Variants in RAB33A observed in about 807,000 individuals in gnomAD.
The protein encoded by RAB33A is RAB33A, member RAS oncogene family.
In RAB33A, 6 loss-of-function variants were observed where a neutral mutation model predicts 12.0. The observed-to-expected ratio is 0.50, with a 90% CI of 0.27 to 0.99. RAB33A has a LOEUF of 0.99. Among genes scored for constraint, RAB33A ranks in the 50% least tolerant of loss-of-function variants. RAB33A has a pLI of 0.11. For synonymous variants in RAB33A, 70 were observed against 82.4 expected, an observed-to-expected ratio of 0.85 and a Z score of 0.81; for missense variants, 109 against 192.0, an observed-to-expected ratio of 0.57 and a Z score of 2.55.
At chrX:130,113,266 A>G in the RAB33A span, among the ~76,000 whole-genome samples, 2 of 106,501 alleles carry the variant, frequency 1.9e-5, no homozygotes, top group Non-Finnish European at 3.9e-5. Context: ...ATTTTTTAGT[A>G]GAGGCAGGGG....
At chrX:130,146,282 T>A in the RAB33A span, among the ~76,000 whole-genome samples, 12 of 109,407 alleles carry the variant, frequency 1.1e-4, no homozygotes, top group African/African-American at 2.7e-4. Context: ...TAGAAAAAAA[T>A]TTTTTTAATT....
At chrX:130,125,714 G>T in the RAB33A span, among the ~76,000 whole-genome samples, 1 of 111,578 alleles carries the variant, frequency 9.0e-6, no homozygotes, top group Middle Eastern at 4.6e-3. Flanking sequence ...TTCCTTCAAG[G>T]AAGCAGCCTG....
chrX:130,165,933 C>T, the RAB33A span: 1 of 389,904 alleles, frequency 2.6e-6, no homozygotes, highest in African/African-American at 2.5e-5. Context: ...CACTAGCTGG[C>T]CGCAAGCTCG....
At chrX:130,181,605 A>G (rs987142221) in intron 1 of RAB33A, among the ~76,000 whole-genome samples, 14 of 112,378 alleles carry the variant, frequency 1.2e-4, no homozygotes, top group Non-Finnish European at 2.6e-4. Flanking sequence ...AAGCTGAGAT[A>G]CAGAAGAAAA....
At chrX:130,176,618 G>A (rs951069598) in intron 1 of RAB33A, among the ~76,000 whole-genome samples, 9 of 112,193 alleles carry the variant, frequency 8.0e-5, no homozygotes, top group African/African-American at 2.9e-4. Flanking sequence ...TCTTCCTTAG[G>A]GCTTCTGAGC....
chrX:130,128,045 T>G, the RAB33A span, among the ~76,000 whole-genome samples: 1 of 111,653 alleles, frequency 9.0e-6, no homozygotes, highest in Non-Finnish European at 1.9e-5. Flanking sequence ...TGATCACATT[T>G]GAGTAAACCT....
the RAB33A span, among the ~76,000 whole-genome samples, chrX:130,134,145 G>A: frequency 2.7e-5 from 3 of 109,792 alleles, no homozygotes; most frequent in African/African-American, 1.0e-4. Context: ...GCTGAGACAG[G>A]AGAATGGCTT....
the RAB33A span, among the ~76,000 whole-genome samples, chrX:130,128,769 A>G: frequency 1.8e-5 from 2 of 111,596 alleles, no homozygotes; most frequent in Admixed American, 1.9e-4. Flanking sequence ...AGAAGAGTCA[A>G]GAGATGATGG....
At chrX:130,145,391 A>G in the RAB33A span, 4 of 703,584 alleles carry the variant, frequency 5.7e-6, no homozygotes, top group South Asian at 8.6e-5. Flanking sequence ...GGCAGGACAG[A>G]CATAAATGGT....
At chrX:130,161,706 C>A in the RAB33A span, among the ~76,000 whole-genome samples, 1 of 104,813 alleles carries the variant, frequency 9.5e-6, no homozygotes, top group African/African-American at 3.5e-5. Flanking sequence ...TTCCCGGGTT[C>A]AAGCAATTCT....
the RAB33A span, among the ~76,000 whole-genome samples, chrX:130,117,573 GA>G: frequency 7.0e-4 from 75 of 107,243 alleles, no homozygotes; most frequent in East Asian, 2.0e-3. Flanking sequence ...CATTTGAAAA[GA>G]AAAAAAAAAA....
intron 1 of RAB33A, among the ~76,000 whole-genome samples, chrX:130,172,639 G>A (rs1464600872): frequency 8.9e-6 from 1 of 112,017 alleles, no homozygotes; most frequent in Non-Finnish European, 1.9e-5. Flanking sequence ...TGTGGGCAGA[G>A]GGAGGCAGGA....
the RAB33A span, chrX:130,149,431 G>A: frequency 9.1e-7 from 1 of 1,096,996 alleles, no homozygotes; most frequent in South Asian, 1.8e-5. Context: ...TTCCCTTTGT[G>A]AGTCTCAAAT....
At chrX:130,136,938 T>G in the RAB33A span, 34 of 1,145,908 alleles carry the variant, frequency 3.0e-5, no homozygotes, top group Non-Finnish European at 3.7e-5. Context: ...TAGATGAACT[T>G]AGCTGACTGG....
At chrX:130,168,109 C>G (rs182584616), upstream of RAB33A, among the ~76,000 whole-genome samples, 155 of 107,428 alleles carry the variant, frequency 1.4e-3, 1 homozygote, top group Admixed American at 3.9e-3. Flanking sequence ...CCTAGGAGAT[C>G]GAGACTGCAG....
chrX:130,120,377 T>G, the RAB33A span, among the ~76,000 whole-genome samples: 1 of 111,714 alleles, frequency 9.0e-6, no homozygotes. Context: ...CGCCCCAGCC[T>G]TGGCCACAGT....
the RAB33A span, among the ~76,000 whole-genome samples, chrX:130,141,938 C>T: frequency 9.6e-4 from 107 of 111,855 alleles, no homozygotes; most frequent in African/African-American, 3.3e-3. Context: ...GGTAGAACAC[C>T]CAAACTGTTC....
chrX:130,160,572 C>A, the RAB33A span, among the ~76,000 whole-genome samples: 3 of 111,957 alleles, frequency 2.7e-5, no homozygotes, highest in African/African-American at 9.7e-5. Context: ...ATTGACTGAA[C>A]ATTCTTATTA....
At chrX:130,176,877 C>CA (rs1348425292) in intron 1 of RAB33A, among the ~76,000 whole-genome samples, 1 of 111,729 alleles carries the variant, frequency 9.0e-6, no homozygotes, top group African/African-American at 3.3e-5. Flanking sequence ...TATTTGTCTC[C>CA]TTTTTTTGCA....
Sources: gnomAD v4.1 joint callset for allele counts (sites outside exome capture counted in the v4.1 genomes callset) on GRCh38, gnomAD v4.1.1 for gene constraint, MANE v1.5 for transcripts, NCBI Gene and HGNC (gene_info 2026-07-23, HGNC 2026-07-21) for gene names.